ADCY2: variants seen among roughly 807,000 people sequenced by gnomAD.
ADCY2 encodes the protein adenylate cyclase 2, also known as adenylate cyclase type 2.
A neutral mutation model predicts 125.2 loss-of-function variants in ADCY2; 31 were observed. The ratio of observed to expected loss-of-function variants is 0.25; its 90% CI spans 0.19 to 0.33. The LOEUF (loss-of-function observed/expected upper bound fraction) is 0.33. Ranked by LOEUF, ADCY2 falls within the 10% of genes least tolerant of loss-of-function variation. ADCY2 has a pLI of 1.00. For synonymous variants in ADCY2, 512 were observed against 548.4 expected (o/e 0.93, Z 0.93); for missense variants, 904 against 1,418.2 (o/e 0.64, Z 5.82).
chr5:7,540,848 C>T (rs1244005432), intron 3 of ADCY2, among the ~76,000 whole-genome samples: 1 of 152,164 alleles, frequency 6.6e-6, no homozygotes, highest in East Asian at 1.9e-4. Context: ...GGTCCGGATT[C>T]AGGGGGTGGG....
At chr5:7,786,094 A>G (rs1744075771) in intron 19 of ADCY2, among the ~76,000 whole-genome samples, 1 of 152,206 alleles carries the variant, frequency 6.6e-6, no homozygotes, top group African/African-American at 2.4e-5. Context: ...AGGCCTAGAA[A>G]AATTATTACT....
At chr5:7,645,574 A>G (rs954431929) in intron 4 of ADCY2, among the ~76,000 whole-genome samples, 4 of 152,234 alleles carry the variant, frequency 2.6e-5, no homozygotes, top group Non-Finnish European at 5.9e-5. Flanking sequence ...CCAGGTTACC[A>G]GTGAGTGAAC....
At chr5:7,458,776 C>A (rs988538871) in intron 2 of ADCY2, among the ~76,000 whole-genome samples, 2 of 152,124 alleles carry the variant, frequency 1.3e-5, no homozygotes, top group African/African-American at 4.8e-5. Context: ...CTCGATAGTA[C>A]ACAAAACAAA....
intron 2 of ADCY2, among the ~76,000 whole-genome samples, chr5:7,501,135 A>ATTTTTT (rs1561059958): frequency 5.4e-4 from 66 of 121,596 alleles, no homozygotes; most frequent in Non-Finnish European, 1.0e-3. Flanking sequence ...TTTTTTTAAA[A>ATTTTTT]AAAAAAAAAA....
At chr5:7,755,903 A>G (rs1332474910) in intron 15 of ADCY2, among the ~76,000 whole-genome samples, 1 of 152,236 alleles carries the variant, frequency 6.6e-6, no homozygotes, top group Non-Finnish European at 1.5e-5. Context: ...CTGTTCAGGA[A>G]TATTCTTTAT....
intron 4 of ADCY2, among the ~76,000 whole-genome samples, chr5:7,661,382 G>T (rs755554174): frequency 6.6e-6 from 1 of 152,008 alleles, no homozygotes; most frequent in Non-Finnish European, 1.5e-5. Context: ...TGGCAAAAGC[G>T]AAAAAGAGGG....
rs149280190 is a variant in ADCY2, at chr5:7,632,834, C to T, written c.720+6518C>T. ...TTTAAATGAGAAACGAAAATTAACT[C>T]CAGAAAATTGTCAATAATCCTTAAA... On this transcript the variant is annotated intron_variant, in intron 4 of 24. Transcript: ENST00000338316. Among the ~76,000 whole-genome samples, 653 of 152,224 alleles carry T rather than the reference C, an allele frequency of 4.3e-3. 2 individuals are homozygous for T. Among genetic ancestry groups the T allele is most frequent in the Non-Finnish European group, 7.8e-3 (532 of 68,020 alleles).
chr5:7,686,822 G>C lies in ADCY2; in HGVS notation c.721-3869G>C, dbSNP rs192871794. 2.6e-5 allele frequency among the ~76,000 whole-genome samples: 4 copies of C among 152,256 alleles called. No individual in the cohort carries two copies. In the East Asian group the frequency reaches 7.7e-4, roughly 29 times the overall value. On this transcript the variant is annotated intron_variant, in intron 4 of 24. Transcript: ENST00000338316. ...ATTTATCATGGATGCCATAATAGTG[G>C]GCTTTTCCTTCAGATCAGAACATTT...
In ADCY2 at chr5:7,581,824, A is replaced by G. The variant is rs7442850; in HGVS notation, c.571-44343A>G. On this transcript the variant is annotated intron_variant, in intron 3 of 24. Transcript: ENST00000338316. ...GACAGAGCAAGACTCAGTCTCAAAA[A>G]AAAAAAAAAAAGAAAAAGAAAAAGA... 8.8e-4 allele frequency among the ~76,000 whole-genome samples: 71 copies of G among 80,950 alleles called. 1 individual carries two copies. The highest frequency in any genetic ancestry group is 2.2e-3 in the South Asian group (6 of 2,728). 53.1% of individuals were successfully genotyped at this position (80,950 alleles called of 152,430 possible). A position where few individuals can be genotyped will look rare whatever the true frequency, so the allele number is the denominator to read the frequency against.
intron 3 of ADCY2, among the ~76,000 whole-genome samples, chr5:7,569,054 A>G (rs779942717): frequency 2.0e-5 from 3 of 152,190 alleles, no homozygotes; most frequent in Non-Finnish European, 2.9e-5. Context: ...GGTTTATTCT[A>G]CTTAGTAGCT....
chr5:7,684,728 G>A (rs1412392845), intron 4 of ADCY2, among the ~76,000 whole-genome samples: 2 of 149,928 alleles, frequency 1.3e-5, no homozygotes, highest in African/African-American at 2.4e-5. Context: ...CGCAGGTGAC[G>A]ACCACCTGGC....
chr5:7,771,226 T>C (rs553799536), intron 17 of ADCY2, among the ~76,000 whole-genome samples: 2 of 152,298 alleles, frequency 1.3e-5, no homozygotes, highest in South Asian at 4.1e-4. Flanking sequence ...ATACTGCCTG[T>C]CCACCTGTTC....
At chr5:7,792,217 C>CAAAAAAAA (rs57224712) in intron 20 of ADCY2, among the ~76,000 whole-genome samples, 4 of 99,446 alleles carry the variant, frequency 4.0e-5, no homozygotes, top group African/African-American at 8.6e-5. Context: ...ACTAAAAATA[C>CAAAAAAAA]AAAAAAAAAA....
chr5:7,808,840 G>A (rs1179269408), intron 22 of ADCY2, among the ~76,000 whole-genome samples: 5 of 152,154 alleles, frequency 3.3e-5, no homozygotes, highest in Admixed American at 3.3e-4. Context: ...AGCTGCCCCA[G>A]CAATGAAACT....
chr5:7,491,498 A>G (rs183133708), intron 2 of ADCY2, among the ~76,000 whole-genome samples: 32 of 152,286 alleles, frequency 2.1e-4, no homozygotes, highest in African/African-American at 7.2e-4. Context: ...AATTATATAA[A>G]ATTGATCCCT....
At chr5:7,792,867 G>C (rs1744298590) in intron 20 of ADCY2, among the ~76,000 whole-genome samples, 1 of 152,226 alleles carries the variant, frequency 6.6e-6, no homozygotes, top group South Asian at 2.1e-4. Context: ...GTTGCTGGAG[G>C]CAGGCTGAGG....
intron 2 of ADCY2, among the ~76,000 whole-genome samples, chr5:7,468,185 TCAATAGCCTTTTGAAGAA>T (rs1742196888): frequency 6.6e-6 from 1 of 152,168 alleles, no homozygotes; most frequent in Admixed American, 6.5e-5. Flanking sequence ...AACAAATAAA[TCAATAGCCTTTTGAAGAA>T]CATACTTGGG....
chr5:7,568,292 C>T (rs11957111), intron 3 of ADCY2, among the ~76,000 whole-genome samples: 4 of 152,146 alleles, frequency 2.6e-5, no homozygotes, highest in Non-Finnish European at 5.9e-5. Flanking sequence ...ATCTTTGGCA[C>T]TCCAGCCTTT....
chr5:7,790,208 A>G (rs1227991103), intron 20 of ADCY2, among the ~76,000 whole-genome samples: 1 of 133,856 alleles, frequency 7.5e-6, no homozygotes, highest in Non-Finnish European at 1.7e-5. Context: ...ACGTTAAACC[A>G]TGCCTCCCAC....
Sources: gnomAD v4.1 joint callset for allele counts (sites outside exome capture counted in the v4.1 genomes callset) on GRCh38, gnomAD v4.1.1 for gene constraint, MANE v1.5 for transcripts, NCBI Gene and HGNC (gene_info 2026-07-23, HGNC 2026-07-21) for gene names.